Variants in FOXK2 observed in about 807,000 individuals in gnomAD.
FOXK2 encodes forkhead box protein K2.
FOXK2 carries 24 observed loss-of-function variants against 53.3 expected under a neutral mutation model. The observed-to-expected ratio is 0.45, with a 90% CI of 0.33 to 0.63. The LOEUF (loss-of-function observed/expected upper bound fraction) is 0.63. Among genes scored for constraint, FOXK2 ranks in the 30% least tolerant of loss-of-function variants. The probability of loss-of-function intolerance (pLI) is 0.03; values close to 1 mark genes in which losing one functional copy is unlikely to be tolerated. For synonymous variants in FOXK2, 505 were observed against 407.1 expected (o/e 1.24, Z -2.89); for missense variants, 952 against 910.5 (o/e 1.05, Z -0.59).
At chr17:82,597,149 C>G (rs931894055) in intron 8 of FOXK2, among the ~76,000 whole-genome samples, 1 of 152,242 alleles carries the variant, frequency 6.6e-6, no homozygotes, top group East Asian at 1.9e-4. Context: ...GCCCGAGGTG[C>G]TCATACATCA....
chr17:82,574,868 A>G (rs78014296), intron 4 of FOXK2, among the ~76,000 whole-genome samples: 6,651 of 152,296 alleles, frequency 0.044, 209 homozygotes, highest in South Asian at 0.094. Flanking sequence ...GAGGAATCCT[A>G]TTTGAAAAGA....
intron 8 of FOXK2, among the ~76,000 whole-genome samples, chr17:82,590,935 G>T (rs903073876): frequency 3.3e-5 from 5 of 152,180 alleles, no homozygotes; most frequent in African/African-American, 4.8e-5. Flanking sequence ...TGGGCTGCCT[G>T]CCCTAAGGGG....
At chr17:82,567,960 A>G in intron 2 of FOXK2, 94 bp from the exon 3 acceptor site, 1 of 486,698 alleles carries the variant, frequency 2.1e-6, no homozygotes, top group Non-Finnish European at 2.9e-6. Context: ...ACATTTCTGT[A>G]TTTGTTATCC....
chr17:82,541,943 C>G (rs1031624122), intron 1 of FOXK2, among the ~76,000 whole-genome samples: 1 of 150,960 alleles, frequency 6.6e-6, no homozygotes, highest in African/African-American at 2.4e-5. Context: ...TGCAGTGACA[C>G]AATCTCAGCT....
At chr17:82,577,358 G>T in intron 4 of FOXK2, 1 of 655,806 alleles carries the variant, frequency 1.5e-6, no homozygotes, top group Non-Finnish European at 2.7e-6. Context: ...GGAGGAGAAA[G>T]ACAGCACAAA....
intron 1 of FOXK2, among the ~76,000 whole-genome samples, chr17:82,522,630 C>T (rs538214018): frequency 2.2e-4 from 34 of 151,982 alleles, no homozygotes; most frequent in African/African-American, 8.0e-4. Flanking sequence ...CTCGGCCTCC[C>T]AAAGTGCTGC....
rs183399610 is a variant in FOXK2, at chr17:82,587,524, G to A, written c.1786+252G>A. ...TACATTGAGAGGGAAAAATACTCTC[G>A]CCTCTTGTAGATTTCCTGGGTGTGG... is the stretch of plus-strand genomic sequence containing the variant. On this transcript the variant is annotated intron_variant, in intron 8 of 8. Transcript: ENST00000335255. The A allele has an allele frequency of 8.4e-4, 426 of 508,332 alleles. 2 individuals carry two copies. The highest frequency in any genetic ancestry group is 5.4e-3 in the African/African-American group (281 of 52,022). The allele number at this position is 508,332 out of a possible 1,614,324, so 31.5% of individuals were successfully genotyped here. A position where few individuals can be genotyped will look rare whatever the true frequency, so the allele number is the denominator to read the frequency against.
At chr17:82,557,447 G>A (rs28870191) in intron 1 of FOXK2, among the ~76,000 whole-genome samples, 6,875 of 150,612 alleles carry the variant, frequency 0.046, 175 homozygotes, top group African/African-American at 0.061. Context: ...AGGTTCAAGC[G>A]ATTCTCGTGC....
chr17:82,592,711 G>A (rs2045264360), intron 8 of FOXK2, among the ~76,000 whole-genome samples: 1 of 152,200 alleles, frequency 6.6e-6, no homozygotes, highest in South Asian at 2.1e-4. Context: ...GTGTTTCCTG[G>A]GGCATCTCCT....
intron 1 of FOXK2, among the ~76,000 whole-genome samples, chr17:82,527,669 T>C (rs960889481): frequency 6.6e-6 from 1 of 152,222 alleles, no homozygotes; most frequent in African/African-American, 2.4e-5. Flanking sequence ...GATACATTGT[T>C]ATCACTGATT....
chr17:82,559,381 C>G (rs1354996099), intron 1 of FOXK2: 9 of 456,374 alleles, frequency 2.0e-5, no homozygotes, highest in South Asian at 1.4e-4. Context: ...GTGCAGAGCC[C>G]AGCAGAGATG....
intron 8 of FOXK2, among the ~76,000 whole-genome samples, chr17:82,588,610 C>T (rs573382068): frequency 6.6e-6 from 1 of 152,106 alleles, no homozygotes; most frequent in Admixed American, 6.6e-5. Flanking sequence ...CTGTTAGAGG[C>T]CAGAGTGCTG....
intron 4 of FOXK2, chr17:82,578,502 G>A (rs971905449): frequency 6.6e-6 from 1 of 152,220 alleles, no homozygotes; most frequent in African/African-American, 2.4e-5. Flanking sequence ...TGTAGCAACA[G>A]AATGAAGGAA....
At chr17:82,553,752 T>C (rs1489134601) in intron 1 of FOXK2, among the ~76,000 whole-genome samples, 1 of 152,182 alleles carries the variant, frequency 6.6e-6, no homozygotes, top group Non-Finnish European at 1.5e-5. Context: ...CAGTTGCGCC[T>C]GTGGTGGAGA....
At chr17:82,587,361 A>T (rs995353787) in intron 8 of FOXK2, 89 bp downstream of exon 8, 7 of 1,024,294 alleles carry the variant, frequency 6.8e-6, no homozygotes, top group African/African-American at 6.3e-5. Flanking sequence ...TGACTGTAAC[A>T]ATTTTAGCTT....
chr17:82,585,774 G>T, intron 6 of FOXK2, 130 bp from the exon 7 acceptor site: 1 of 850,814 alleles, frequency 1.2e-6, no homozygotes. Context: ...TTACTATTGT[G>T]AGGTGAAATA....
At position 82,601,556 on chromosome 17, in the gene FOXK2, G is replaced by A. The variant is rs1237735101; in HGVS notation, c.*57G>A. The A allele has an allele frequency of 4.6e-6, 7 of 1,509,096 alleles. No homozygotes were observed. The highest frequency in any genetic ancestry group is 1.3e-5 in the South Asian group (1 of 79,372). 93.5% of individuals were successfully genotyped at this position (1,509,096 alleles called of 1,614,324 possible). Reference sequence around the variant, plus strand: ...ACTCTGTGGTGCCAAAAGGAGACGCGGCCTCCCGCCAGCACTCGGGGGTGC... The same window carrying A: ...ACTCTGTGGTGCCAAAAGGAGACGCAGCCTCCCGCCAGCACTCGGGGGTGC... On this transcript the variant is annotated 3_prime_UTR_variant, in exon 9 of 9. Coordinates refer to ENST00000335255, the MANE Select transcript of FOXK2 (RefSeq NM_004514.4).
intron 1 of FOXK2, among the ~76,000 whole-genome samples, chr17:82,524,157 T>C (rs1186908674): frequency 6.6e-6 from 1 of 152,214 alleles, no homozygotes; most frequent in African/African-American, 2.4e-5. Flanking sequence ...CCCAAAGTGC[T>C]GGGATTATAG....
At chr17:82,553,605 G>T (rs2144096966) in intron 1 of FOXK2, among the ~76,000 whole-genome samples, 1 of 152,306 alleles carries the variant, frequency 6.6e-6, no homozygotes, top group Middle Eastern at 3.4e-3. Context: ...GTTTCTGGAG[G>T]GGTCTGACTC....
Sources: allele counts gnomAD v4.1 joint callset (sites outside exome capture counted in the v4.1 genomes callset), GRCh38; gene constraint gnomAD v4.1.1; transcripts MANE v1.5; gene names NCBI Gene and HGNC (gene_info 2026-07-23, HGNC 2026-07-21).